The following FUBP3 variants were observed in gnomAD, a reference collection of about 807,000 sequenced individuals.
FUBP3 encodes far upstream element binding protein 3.
A neutral mutation model predicts 85.6 loss-of-function variants in FUBP3; 28 were observed. That is an observed-to-expected ratio of 0.33 (90% CI 0.24 to 0.45). The LOEUF (loss-of-function observed/expected upper bound fraction) is 0.45. FUBP3 is among the 20% of genes least tolerant of loss of function. The pLI is 1.00. For synonymous variants in FUBP3, 271 were observed against 271.4 expected, an observed-to-expected ratio of 1.00 and a Z score of 0.01; for missense variants, 583 against 755.1, an observed-to-expected ratio of 0.77 and a Z score of 2.67.
intron 1 of FUBP3, among the ~76,000 whole-genome samples, chr9:130,580,013 G>A (rs945023890): frequency 2.0e-5 from 3 of 152,254 alleles, no homozygotes; most frequent in Admixed American, 6.5e-5. Context: ...TGCTTAGAGC[G>A]TCTGGCCCCA....
Position 130,579,612 on chromosome 9 carries a change from G to A in FUBP3, c.-69G>A, listed in dbSNP as rs1039503389. 2 of 1,000,176 alleles carry A rather than the reference G, an allele frequency of 2.0e-6. No individual in the cohort carries two copies. The highest frequency in any genetic ancestry group is 3.4e-5 in the East Asian group (1 of 29,606). 62.0% of individuals were successfully genotyped at this position (1,000,176 alleles called of 1,614,324 possible). On this transcript the variant is annotated 5_prime_UTR_variant, in exon 1 of 19. Transcript: ENST00000319725. ...TACGGGTCCCCAAGCGGAGCGGGAG[G>A]CCGGACCGGGGAGCCGAGCGGCGGC...
chr9:130,606,713 G>C (rs1403805023), intron 2 of FUBP3, among the ~76,000 whole-genome samples: 1 of 152,000 alleles, frequency 6.6e-6, no homozygotes, highest in Non-Finnish European at 1.5e-5. Flanking sequence ...CCAGCTACTC[G>C]GGAAGCTGAG....
intron 12 of FUBP3, among the ~76,000 whole-genome samples, chr9:130,627,213 C>T (rs1027050046): frequency 1.3e-5 from 2 of 152,206 alleles, no homozygotes; most frequent in Admixed American, 6.5e-5. Flanking sequence ...AGACCAGGGC[C>T]GAGGCTGTGG....
intron 2 of FUBP3, among the ~76,000 whole-genome samples, chr9:130,607,392 A>T (rs1017200607): frequency 6.7e-6 from 1 of 150,160 alleles, no homozygotes; most frequent in African/African-American, 2.5e-5. Context: ...TATATAGTGC[A>T]CAAGGGAAAC....
Position 130,612,986 on chromosome 9 carries a change from G to A in FUBP3, c.305G>A (p.Arg102Gln), listed in dbSNP as rs370976617. The A allele has an allele frequency of 1.2e-5, 19 of 1,612,952 alleles. No homozygotes were observed. In the African/African-American group the frequency reaches 1.9e-4, roughly 16 times the overall value. ...IIGRGGEQISRIQAESGCKIQ... is the reference protein window; with the variant it reads ...IIGRGGEQISQIQAESGCKIQ... The stretch of plus-strand genomic sequence containing the variant: ...GGCAGGGGAGGTGAGCAGATTTCAC[G>A]GATTCAAGCAGAATCTGGTTGCAAA... The change falls in exon 5 of 19, where the codon CGG becomes CAG. Residue 102 changes from arginine (R) to glutamine (Q), a missense_variant. By Grantham distance (43) the Arg-to-Gln change is conservative (BLOSUM62 1). This residue lies in a region of FUBP3 where 177 missense variants were observed against 221.9 expected (regional missense o/e 0.80). Coordinates refer to ENST00000319725, the MANE Select transcript of FUBP3 (RefSeq NM_003934.2). This position sits in a 1 kb window ranked among gnomAD's most constrained non-coding sequence, Gnocchi z 4.1.
At chr9:130,595,423 T>C in intron 1 of FUBP3, 60 bp from the exon 2 acceptor site, 1 of 867,570 alleles carries the variant, frequency 1.2e-6, no homozygotes. Flanking sequence ...ACACTTGTCT[T>C]TCTCCCTCAG....
At position 130,626,393 on chromosome 9, in the gene FUBP3, A is replaced by G; in HGVS notation, c.1005A>G (p.Ala335=). The G allele has an allele frequency of 6.2e-7, 1 of 1,613,832 alleles. No individual in the cohort carries two copies. Among genetic ancestry groups the G allele is most frequent in the East Asian group, 2.2e-5 (1 of 44,890 alleles). The change falls in exon 12 of 19, where the codon GCA becomes GCG. Residue 335 remains alanine (A), a synonymous_variant. Coordinates refer to ENST00000319725, the MANE Select transcript of FUBP3 (RefSeq NM_003934.2). ...QERDGFGGLA[A]ARGRGRGRGD... ...GAGACGGCTTTGGAGGCCTGGCAGC[A>G]GCCAGAGGAAGAGGTCGTGGCCGTG... is the stretch of plus-strand genomic sequence containing the variant.
intron 6 of FUBP3, among the ~76,000 whole-genome samples, chr9:130,615,470 T>C (rs890121704): frequency 2.6e-5 from 4 of 152,212 alleles, no homozygotes. Context: ...AGCTAGCCTG[T>C]TTAGTAGCTG....
At chr9:130,630,900 C>A in intron 13 of FUBP3, 112 bp downstream of exon 13, 2 of 846,410 alleles carry the variant, frequency 2.4e-6, no homozygotes, top group Non-Finnish European at 3.4e-6. Flanking sequence ...TGGGTTCTCA[C>A]ATCACACGAG....
At chr9:130,599,929 A>AGCCTGGCT (rs935458933) in intron 2 of FUBP3, among the ~76,000 whole-genome samples, 2 of 152,152 alleles carry the variant, frequency 1.3e-5, no homozygotes, top group Admixed American at 6.5e-5. Context: ...CCTGTGTAGC[A>AGCCTGGCT]GCCTGGCTGC....
intron 2 of FUBP3, among the ~76,000 whole-genome samples, chr9:130,603,347 CAAAAAAA>C (rs34850259): frequency 6.8e-4 from 57 of 83,824 alleles, no homozygotes; most frequent in South Asian, 1.2e-3. Context: ...ACTCTGTCTC[CAAAAAAA>C]AAAAAAAAAA....
At position 130,637,041 on chromosome 9, in the gene FUBP3, A is replaced by G; in HGVS notation, c.*19A>G. The G allele has an allele frequency of 6.2e-7, 1 of 1,605,204 alleles. No homozygotes were observed. The highest frequency in any genetic ancestry group is 8.5e-7 in the Non-Finnish European group (1 of 1,171,960). On this transcript the variant is annotated 3_prime_UTR_variant, in exon 19 of 19. Transcript: ENST00000319725. ...GCAGTAGGACAGCGTCCTCGTGGCC[A>G]ACTCTCCCCTCAAAATCATTGTCAA...
At chr9:130,588,768 G>A (rs1050036091) in intron 1 of FUBP3, among the ~76,000 whole-genome samples, 4 of 152,194 alleles carry the variant, frequency 2.6e-5, no homozygotes, top group Admixed American at 1.3e-4. Context: ...TTAGGTAGTG[G>A]GATGCAGGAC....
chr9:130,618,555 C>G (rs1169554646), intron 8 of FUBP3, among the ~76,000 whole-genome samples: 3 of 152,244 alleles, frequency 2.0e-5, no homozygotes, highest in Admixed American at 6.5e-5. Context: ...CCTTCCAACT[C>G]TTGCTAGTAG....
chr9:130,632,454 G>A (rs1588168133), intron 16 of FUBP3, among the ~76,000 whole-genome samples, 176 bp downstream of exon 16: 2 of 152,248 alleles, frequency 1.3e-5, no homozygotes, highest in East Asian at 3.9e-4. Flanking sequence ...ACCAGGGGTT[G>A]TGCATGCTCA....
chr9:130,595,844 T>C (rs1265521244), intron 2 of FUBP3, among the ~76,000 whole-genome samples: 2 of 152,228 alleles, frequency 1.3e-5, no homozygotes, highest in African/African-American at 4.8e-5. Context: ...GGAAGTAATT[T>C]GACCTATTTG....
chr9:130,582,450 CAAAAAA>C (rs71387370), intron 1 of FUBP3, among the ~76,000 whole-genome samples: 2 of 124,718 alleles, frequency 1.6e-5, no homozygotes, highest in African/African-American at 2.9e-5. Context: ...GACACTGTCT[CAAAAAA>C]AAAAAAAGAA....
chr9:130,589,675 G>GTGTGTGTGTATATA (rs869282275), intron 1 of FUBP3, among the ~76,000 whole-genome samples: 2 of 34,284 alleles, frequency 5.8e-5, no homozygotes, highest in African/African-American at 2.7e-4. Context: ...GTATGTGTGT[G>GTGTGTGTGTATATA]TATATATATA....
At chr9:130,615,459 C>T (rs1330157133) in intron 6 of FUBP3, among the ~76,000 whole-genome samples, 1 of 152,238 alleles carries the variant, frequency 6.6e-6, no homozygotes, top group African/African-American at 2.4e-5. Context: ...GTGAGCAGCA[C>T]AGCTAGCCTG....
Sources: allele counts gnomAD v4.1 joint callset (sites outside exome capture counted in the v4.1 genomes callset), GRCh38; gene constraint gnomAD v4.1.1; regional missense constraint gnomAD v4.1.1; non-coding constraint Gnocchi (gnomAD v3.1); transcripts MANE v1.5; gene names NCBI Gene and HGNC (gene_info 2026-07-23, HGNC 2026-07-21).